The following LARGE1 variants were observed in gnomAD, a reference collection of about 807,000 sequenced individuals.
The protein encoded by LARGE1 is xylosyl- and glucuronyltransferase LARGE1.
Under a neutral mutation model 87.6 loss-of-function variants are expected in LARGE1, and 43 were observed. The observed-to-expected ratio is 0.49, with a 90% CI of 0.38 to 0.63. The LOEUF (loss-of-function observed/expected upper bound fraction) is 0.63. Ranked by LOEUF, LARGE1 falls within the 30% of genes least tolerant of loss-of-function variation. The pLI is 0.00. For missense variants in LARGE1, 802 were observed against 1,000.2 expected, an observed-to-expected ratio of 0.80 and a Z score of 2.67; for synonymous variants, 434 against 394.6, an observed-to-expected ratio of 1.10 and a Z score of -1.18.
chr22:33,337,793 G>A lies in LARGE1; in HGVS notation c.1140C>T (p.His380=), dbSNP rs1938647863. The part of the protein sequence containing the change: ...YRDVSDLKVI[H]WNSPKKLRVK... ...CCCGGAGCTTCTTGGGGGAGTTCCA[G>A]TGAATGACCTGGCAGGGAGATAAGG... Residue 380 remains histidine (H), a synonymous_variant, in exon 10 of 15, where the codon CAC becomes CAT. Coordinates refer to ENST00000397394, the MANE Select transcript of LARGE1 (RefSeq NM_133642.5). 2 of 1,614,094 alleles carry A rather than the reference G, an allele frequency of 1.2e-6. No homozygotes were observed. The highest frequency in any genetic ancestry group is 1.3e-5 in the African/African-American group (1 of 74,930).
At chr22:33,523,251 ACCTTGACCTCCCAAAGTGCT>A (rs1051160232) in intron 6 of LARGE1, among the ~76,000 whole-genome samples, 1 of 151,816 alleles carries the variant, frequency 6.6e-6, no homozygotes, top group Admixed American at 6.6e-5. Flanking sequence ...TGATCCGCCC[ACCTTGACCTCCCAAAGTGCT>A]CCTTGACCTC....
At chr22:33,467,374 C>T (rs557465943) in intron 6 of LARGE1, among the ~76,000 whole-genome samples, 6 of 152,302 alleles carry the variant, frequency 3.9e-5, no homozygotes, top group Admixed American at 2.0e-4. Flanking sequence ...ATTAACTAGT[C>T]CCTCTTTCCT....
At chr22:33,718,673 C>A (rs1182820214) in intron 2 of LARGE1, among the ~76,000 whole-genome samples, 1 of 152,264 alleles carries the variant, frequency 6.6e-6, no homozygotes, top group Non-Finnish European at 1.5e-5. Flanking sequence ...GTTCATGCCC[C>A]TGAAGACCTC....
chr22:33,521,708 C>T (rs117392143), intron 6 of LARGE1, among the ~76,000 whole-genome samples: 96 of 152,288 alleles, frequency 6.3e-4, no homozygotes, highest in Middle Eastern at 3.4e-3. Flanking sequence ...ACATACACCA[C>T]GTTTTTTCTA....
intron 1 of LARGE1, among the ~76,000 whole-genome samples, chr22:33,853,616 C>T: frequency 6.6e-6 from 1 of 152,184 alleles, no homozygotes; most frequent in Non-Finnish European, 1.5e-5. Flanking sequence ...CTTAATAATA[C>T]CTACTTCACA....
intron 7 of LARGE1, among the ~76,000 whole-genome samples, chr22:33,401,095 G>A (rs1436605390): frequency 2.0e-5 from 3 of 152,090 alleles, no homozygotes; most frequent in Non-Finnish European, 2.9e-5. Context: ...GGTGGGCAAC[G>A]TTCCCAGCAA....
intron 11 of LARGE1, among the ~76,000 whole-genome samples, chr22:33,173,934 A>G (rs1263188756): frequency 6.6e-6 from 1 of 152,206 alleles, no homozygotes; most frequent in African/African-American, 2.4e-5. Flanking sequence ...CAGATCAATG[A>G]GACAGAAGAT....
intron 1 of LARGE1, among the ~76,000 whole-genome samples, chr22:33,843,859 C>A (rs889260853): frequency 3.3e-5 from 5 of 152,098 alleles, no homozygotes; most frequent in Non-Finnish European, 7.4e-5. Flanking sequence ...GGGCGGATCA[C>A]CTGAAGTCAG....
chr22:33,225,976 G>C (rs558140139), intron 11 of LARGE1, among the ~76,000 whole-genome samples: 61 of 152,258 alleles, frequency 4.0e-4, no homozygotes, highest in African/African-American at 1.5e-3. Context: ...GGGCATCTAG[G>C]TTGATTTCAT....
intron 9 of LARGE1, among the ~76,000 whole-genome samples, chr22:33,343,606 G>T (rs9619341): frequency 0.076 from 11,609 of 152,166 alleles, 1,176 homozygotes; most frequent in African/African-American, 0.24. Flanking sequence ...GAATAGCTTA[G>T]TAGATGTAAT....
intron 11 of LARGE1, among the ~76,000 whole-genome samples, chr22:33,210,303 C>G (rs762230763): frequency 6.6e-6 from 1 of 152,178 alleles, no homozygotes; most frequent in African/African-American, 2.4e-5. Flanking sequence ...GGCAGATAGA[C>G]GGGGGTGGCA....
At chr22:33,706,442 A>G (rs1371933531) in intron 2 of LARGE1, among the ~76,000 whole-genome samples, 1 of 152,340 alleles carries the variant, frequency 6.6e-6, no homozygotes, top group East Asian at 1.9e-4. Flanking sequence ...GTATCCTGGT[A>G]TAAGGGGTGA....
downstream of LARGE1, among the ~76,000 whole-genome samples, chr22:33,157,469 T>G (rs137870712): frequency 6.6e-6 from 1 of 152,172 alleles, no homozygotes; most frequent in African/African-American, 2.4e-5. Context: ...CACTTCCCAT[T>G]TGCATCTCAG....
intron 2 of LARGE1, among the ~76,000 whole-genome samples, chr22:33,690,820 C>T (rs2082078931): frequency 1.3e-5 from 2 of 152,182 alleles, no homozygotes; most frequent in Admixed American, 1.3e-4. Context: ...AGGCTGGCAC[C>T]TTCTTGCTGT....
intron 6 of LARGE1, among the ~76,000 whole-genome samples, chr22:33,541,488 G>C (rs2077209258): frequency 6.6e-6 from 1 of 152,092 alleles, no homozygotes; most frequent in African/African-American, 2.4e-5. Flanking sequence ...ACACAATTGA[G>C]TTTCATTCTT....
intron 4 of LARGE1, among the ~76,000 whole-genome samples, chr22:33,612,453 A>G (rs1015821077): frequency 1.3e-5 from 2 of 152,194 alleles, no homozygotes; most frequent in African/African-American, 2.4e-5. Flanking sequence ...GATAGGTGAC[A>G]TAGGGCTAAC....
At chr22:33,699,242 A>G (rs1047829310) in intron 2 of LARGE1, among the ~76,000 whole-genome samples, 3 of 152,240 alleles carry the variant, frequency 2.0e-5, no homozygotes, top group African/African-American at 7.2e-5. Flanking sequence ...CAATCACTGG[A>G]GACCACACAG....
At chr22:33,241,947 G>A (rs1397554135) in intron 11 of LARGE1, among the ~76,000 whole-genome samples, 1 of 151,906 alleles carries the variant, frequency 6.6e-6, no homozygotes, top group African/African-American at 2.4e-5. Context: ...TTCACAGAAT[G>A]GTGACTATAA....
At chr22:33,088,725 A>G in the LARGE1 span, among the ~76,000 whole-genome samples, 1 of 152,134 alleles carries the variant, frequency 6.6e-6, no homozygotes, top group Non-Finnish European at 1.5e-5. Flanking sequence ...CTTAATAGTT[A>G]AGAGTACAGG....
Sources: gnomAD v4.1 joint callset for allele counts (sites outside exome capture counted in the v4.1 genomes callset) on GRCh38, gnomAD v4.1.1 for gene constraint, MANE v1.5 for transcripts, NCBI Gene and HGNC (gene_info 2026-07-23, HGNC 2026-07-21) for gene names.